Variants in JAZF1 observed in about 807,000 individuals in gnomAD.
JAZF1 encodes JAZF zinc finger 1, also known as juxtaposed with another zinc finger protein 1.
Under a neutral mutation model 26.4 loss-of-function variants are expected in JAZF1, and 8 were observed. That is an observed-to-expected ratio of 0.30 (90% CI 0.18 to 0.55). JAZF1 has a LOEUF of 0.55. JAZF1 is among the 20% of genes least tolerant of loss of function. JAZF1 has a pLI of 0.94. For synonymous variants in JAZF1, 126 were observed against 122.3 expected (o/e 1.03, Z -0.20); for missense variants, 199 against 322.0 (o/e 0.62, Z 2.92).
At chr7:28,085,657 A>G (rs898255799) in intron 1 of JAZF1, among the ~76,000 whole-genome samples, 1 of 152,198 alleles carries the variant, frequency 6.6e-6, no homozygotes, top group African/African-American at 2.4e-5. Flanking sequence ...TTGCTTTGCA[A>G]ACTGAGCTCA....
intron 1 of JAZF1, among the ~76,000 whole-genome samples, chr7:28,013,861 T>G (rs955791898): frequency 3.9e-5 from 6 of 152,162 alleles, no homozygotes; most frequent in African/African-American, 1.2e-4. Context: ...ATCCATCACA[T>G]GTCCACTACT....
intron 2 of JAZF1, among the ~76,000 whole-genome samples, chr7:27,906,129 A>G (rs564844643): frequency 6.6e-6 from 1 of 152,276 alleles, no homozygotes; most frequent in South Asian, 2.1e-4. Flanking sequence ...TAAGCAAACG[A>G]AAGAAGGCAA....
chr7:27,996,569 G>T (rs898086882), intron 1 of JAZF1, among the ~76,000 whole-genome samples: 1 of 152,170 alleles, frequency 6.6e-6, no homozygotes, highest in African/African-American at 2.4e-5. Context: ...ACTAATGGGT[G>T]CTGTCTGTTC....
chr7:27,994,482 C>CAA (rs1248407974), intron 1 of JAZF1, among the ~76,000 whole-genome samples: 6 of 150,490 alleles, frequency 4.0e-5, no homozygotes, highest in East Asian at 1.9e-4. Flanking sequence ...CACACACACA[C>CAA]AAAAAACCAT....
intron 1 of JAZF1, among the ~76,000 whole-genome samples, chr7:28,102,101 C>A (rs1366426935): frequency 2.0e-5 from 3 of 152,194 alleles, no homozygotes; most frequent in Non-Finnish European, 4.4e-5. Flanking sequence ...TGTGCCACCA[C>A]CCTGATTGCC....
intron 3 of JAZF1, among the ~76,000 whole-genome samples, chr7:27,857,118 G>A (rs574894101): frequency 2.5e-3 from 387 of 152,330 alleles, no homozygotes; most frequent in African/African-American, 7.6e-3. Context: ...GGCGCTCGTC[G>A]GGGAGGCTTG....
chr7:27,880,971 G>A (rs1783758990), intron 3 of JAZF1, among the ~76,000 whole-genome samples: 1 of 152,176 alleles, frequency 6.6e-6, no homozygotes, highest in African/African-American at 2.4e-5. Context: ...CACTGTGCCT[G>A]GCCTGAACTT....
intron 2 of JAZF1, among the ~76,000 whole-genome samples, chr7:27,966,607 T>C (rs1785279973): frequency 6.6e-6 from 1 of 152,220 alleles, no homozygotes; most frequent in Non-Finnish European, 1.5e-5. Context: ...CCCCTTTATC[T>C]GAGTCTCCAT....
chr7:28,110,553 A>AGGAAAAGGAAAG (rs1204827727), intron 1 of JAZF1, among the ~76,000 whole-genome samples: 39 of 56,116 alleles, frequency 6.9e-4, no homozygotes, highest in African/African-American at 1.6e-3. Context: ...GAAAAGGAAA[A>AGGAAAAGGAAAG]GGAAAGGGAA....
At chr7:28,155,318 C>A (rs1783165741) in intron 1 of JAZF1, among the ~76,000 whole-genome samples, 1 of 152,196 alleles carries the variant, frequency 6.6e-6, no homozygotes, top group African/African-American at 2.4e-5. Context: ...ACCTGGCCCA[C>A]TAATAAACTA....
Position 27,840,635 on chromosome 7 carries a change from T to G in JAZF1, c.555+63A>C. 2.6e-6 allele frequency: 4 copies of G among 1,533,526 alleles called. No individual in the cohort carries two copies. The highest frequency in any genetic ancestry group is 2.2e-5 in the East Asian group (1 of 44,472). The allele number at this position is 1,533,526 out of a possible 1,614,324, so 95.0% of individuals were successfully genotyped here. On this transcript the variant is annotated intron_variant, in intron 4 of 4. Transcript: ENST00000283928. This position sits in a 1 kb window ranked among gnomAD's most constrained non-coding sequence, Gnocchi z 5.1. ...CGCTTTAAAATCAAGAAAGGGCTGCTGCCTTCCATGAAGCTTGCCCTGTTT... is the reference window on the plus strand; with the variant it reads ...CGCTTTAAAATCAAGAAAGGGCTGCGGCCTTCCATGAAGCTTGCCCTGTTT...
intron 2 of JAZF1, among the ~76,000 whole-genome samples, chr7:27,962,701 T>A (rs928776262): frequency 1.3e-5 from 2 of 152,342 alleles, no homozygotes; most frequent in Admixed American, 1.3e-4. Context: ...CAAGAAGATA[T>A]GCAAGGGCTT....
At chr7:28,112,514 AT>A (rs899357716) in intron 1 of JAZF1, among the ~76,000 whole-genome samples, 4 of 151,898 alleles carry the variant, frequency 2.6e-5, no homozygotes, top group South Asian at 2.1e-4. Context: ...TGCCAAAAGC[AT>A]TTTTTTTTAA....
chr7:28,062,532 C>CA (rs139627663), intron 1 of JAZF1, among the ~76,000 whole-genome samples: 8,221 of 152,030 alleles, frequency 0.054, 395 homozygotes, highest in African/African-American at 0.12. Flanking sequence ...CTGCATGCTG[C>CA]ATGCAGGCCT....
chr7:28,082,404 C>T (rs949844297), intron 1 of JAZF1, among the ~76,000 whole-genome samples: 14 of 152,176 alleles, frequency 9.2e-5, no homozygotes, highest in Admixed American at 3.3e-4. Context: ...TACTCCTGTG[C>T]AGGCTCCCTT....
At chr7:27,973,971 T>A (rs1785423197) in intron 2 of JAZF1, among the ~76,000 whole-genome samples, 1 of 152,082 alleles carries the variant, frequency 6.6e-6, no homozygotes, top group Non-Finnish European at 1.5e-5. Context: ...GCGATGAGGA[T>A]GCAAAGGTAA....
At chr7:28,080,916 T>C (rs1236081693) in intron 1 of JAZF1, among the ~76,000 whole-genome samples, 4 of 146,714 alleles carry the variant, frequency 2.7e-5, no homozygotes, top group Non-Finnish European at 6.0e-5. Flanking sequence ...AAAATGGCCA[T>C]AAACCTACAA....
intron 1 of JAZF1, among the ~76,000 whole-genome samples, chr7:28,107,046 A>G (rs1292755324): frequency 6.6e-6 from 1 of 152,228 alleles, no homozygotes; most frequent in Non-Finnish European, 1.5e-5. Context: ...CAAAGTGACT[A>G]CAAATTCCTA....
chr7:27,972,954 C>T lies in JAZF1; in HGVS notation c.188+18955G>A, dbSNP rs547376311. 2.9e-3 allele frequency among the ~76,000 whole-genome samples: 433 copies of T among 149,350 alleles called. 2 individuals are homozygous for T. The highest frequency in any genetic ancestry group is 9.9e-3 in the African/African-American group (404 of 40,676). ...ATATGTATATGTGTGTGTATATATACACACACACACACATACACATGTAAT... is the reference window on the plus strand; with the variant it reads ...ATATGTATATGTGTGTGTATATATATACACACACACACATACACATGTAAT... On this transcript the variant is annotated intron_variant, in intron 2 of 4. Transcript: ENST00000283928.
Sources: allele counts gnomAD v4.1 joint callset (sites outside exome capture counted in the v4.1 genomes callset), GRCh38; gene constraint gnomAD v4.1.1; non-coding constraint Gnocchi (gnomAD v3.1); transcripts MANE v1.5; gene names NCBI Gene and HGNC (gene_info 2026-07-23, HGNC 2026-07-21).